The following TP63 variants were observed in gnomAD, a reference collection of about 807,000 sequenced individuals.
The protein encoded by TP63 is tumor protein 63.
TP63 carries 17 observed loss-of-function variants against 82.8 expected under a neutral mutation model. That is an observed-to-expected ratio of 0.21 (90% CI 0.14 to 0.31). TP63 has a LOEUF of 0.31. Among genes scored for constraint, TP63 ranks in the 10% least tolerant of loss-of-function variants. The pLI is 1.00. For missense variants in TP63, 648 were observed against 895.3 expected (o/e 0.72, Z 3.52); for synonymous variants, 330 against 321.7 (o/e 1.03, Z -0.28).
chr3:189,710,757 C>T (rs1044715445), intron 1 of TP63, among the ~76,000 whole-genome samples: 5 of 152,100 alleles, frequency 3.3e-5, no homozygotes, highest in Admixed American at 6.5e-5. Context: ...AGGGAAATTC[C>T]AGATGACATG....
At chr3:189,748,225 G>C (rs1039199723) in intron 3 of TP63, among the ~76,000 whole-genome samples, 1 of 151,954 alleles carries the variant, frequency 6.6e-6, no homozygotes, top group African/African-American at 2.4e-5. Flanking sequence ...GAAATAAAAG[G>C]CATGCAGACT....
intron 4 of TP63, among the ~76,000 whole-genome samples, chr3:189,857,777 C>A (rs1381535032): frequency 6.6e-6 from 1 of 152,062 alleles, no homozygotes; most frequent in Non-Finnish European, 1.5e-5. Flanking sequence ...CAGGGAAATG[C>A]AAATCAAACT....
intron 1 of TP63, among the ~76,000 whole-genome samples, chr3:189,733,537 T>G (rs1040900737): frequency 1.3e-5 from 2 of 152,208 alleles, no homozygotes; most frequent in Non-Finnish European, 2.9e-5. Context: ...CTTTGGATGT[T>G]GGGGATGTCC....
chr3:189,717,113 A>G (rs933169043), intron 1 of TP63, among the ~76,000 whole-genome samples: 2 of 152,044 alleles, frequency 1.3e-5, no homozygotes, highest in South Asian at 2.1e-4. Context: ...GTAACTTTCT[A>G]TCTAATTCAC....
At chr3:189,624,473 A>G in the TP63 span, among the ~76,000 whole-genome samples, 4 of 152,196 alleles carry the variant, frequency 2.6e-5, no homozygotes, top group Admixed American at 2.6e-4. Context: ...TCATAAAATC[A>G]TAGACTCTTG....
intron 12 of TP63, 27 bp downstream of exon 12, chr3:189,889,511 G>A (rs367983802): frequency 5.6e-6 from 9 of 1,614,038 alleles, no homozygotes; most frequent in South Asian, 1.1e-5. Flanking sequence ...TGCCCCTGGG[G>A]GCCTGCCCTA....
chr3:189,739,011 C>A, intron 3 of TP63: 1 of 573,826 alleles, frequency 1.7e-6, no homozygotes, highest in Non-Finnish European at 3.0e-6. Flanking sequence ...TTCTTTACAT[C>A]TTTTATCTTG....
At chr3:189,659,436 T>C (rs776536538) in intron 1 of TP63, among the ~76,000 whole-genome samples, 2 of 152,086 alleles carry the variant, frequency 1.3e-5, no homozygotes, top group Non-Finnish European at 2.9e-5. Context: ...ATGTACCATA[T>C]TTTCTTTATC....
intron 1 of TP63, among the ~76,000 whole-genome samples, chr3:189,710,755 T>C (rs1041733792): frequency 3.4e-4 from 51 of 152,140 alleles, no homozygotes; most frequent in Admixed American, 3.1e-3. Context: ...TCAGGGAAAT[T>C]CCAGATGACA....
At chr3:189,824,970 T>C (rs1342313173) in intron 4 of TP63, among the ~76,000 whole-genome samples, 4 of 152,152 alleles carry the variant, frequency 2.6e-5, no homozygotes, top group Admixed American at 6.5e-5. Context: ...TGTAAGGATA[T>C]AGAATAAGTG....
intron 1 of TP63, among the ~76,000 whole-genome samples, chr3:189,694,571 C>A (rs1052093596): frequency 6.6e-6 from 1 of 151,818 alleles, no homozygotes; most frequent in Non-Finnish European, 1.5e-5. Context: ...TAATGATAAA[C>A]CTGGGTTTAT....
intron 3 of TP63, among the ~76,000 whole-genome samples, chr3:189,761,190 A>G (rs955662653): frequency 6.6e-6 from 1 of 152,170 alleles, no homozygotes; most frequent in Non-Finnish European, 1.5e-5. Flanking sequence ...TACTTATGCA[A>G]ATTGCTGCAG....
At chr3:189,813,362 A>G (rs559412504) in intron 4 of TP63, among the ~76,000 whole-genome samples, 10 of 152,298 alleles carry the variant, frequency 6.6e-5, no homozygotes, top group African/African-American at 2.4e-4. Flanking sequence ...GGTGAGGGAA[A>G]AAGAAAGCTT....
chr3:189,740,789 C>A (rs1031365451), intron 3 of TP63, among the ~76,000 whole-genome samples: 4 of 152,148 alleles, frequency 2.6e-5, no homozygotes, highest in Admixed American at 2.6e-4. Flanking sequence ...CATGAGCCAC[C>A]ACACCTGTTT....
Position 189,894,514 on chromosome 3 carries a change from T to A in TP63, c.*12T>A, listed in dbSNP as rs1191168250. 1.9e-6 allele frequency: 3 copies of A among 1,612,214 alleles called. No individual in the cohort carries two copies. The highest frequency in any genetic ancestry group is 2.5e-6 in the Non-Finnish European group (3 of 1,179,986). ...AGGAGGGGGAGTGAGCCTCACCATG[T>A]GAGCTCTTCCTATCCCTCTCCTAAC... On this transcript the variant is annotated 3_prime_UTR_variant, in exon 14 of 14. Transcript: ENST00000264731.
At chr3:189,872,729 A>G in intron 9 of TP63, 130 bp from the exon 10 acceptor site, 2 of 1,382,284 alleles carry the variant, frequency 1.4e-6, no homozygotes, top group Non-Finnish European at 1.0e-6. Context: ...GTTGATTTTC[A>G]TGTTACAAAT....
intron 3 of TP63, among the ~76,000 whole-genome samples, chr3:189,752,319 A>G: frequency 6.6e-6 from 1 of 151,998 alleles, no homozygotes; most frequent in South Asian, 2.1e-4. Flanking sequence ...GATTACAGGC[A>G]TGTGCCACCA....
intron 3 of TP63, among the ~76,000 whole-genome samples, chr3:189,745,141 C>CA (rs1262428812): frequency 2.6e-5 from 4 of 151,316 alleles, no homozygotes; most frequent in African/African-American, 7.3e-5. Flanking sequence ...AAAGCAAATT[C>CA]AAAAAAAATT....
chr3:189,823,242 T>C (rs1048057250), intron 4 of TP63, among the ~76,000 whole-genome samples: 4 of 152,176 alleles, frequency 2.6e-5, no homozygotes, highest in Admixed American at 6.5e-5. Context: ...TGTGGTTCTA[T>C]GTAGGAAACT....
Sources: gnomAD v4.1 joint callset for allele counts (sites outside exome capture counted in the v4.1 genomes callset) on GRCh38, gnomAD v4.1.1 for gene constraint, MANE v1.5 for transcripts, NCBI Gene and HGNC (gene_info 2026-07-23, HGNC 2026-07-21) for gene names.